The following ATG2A variants were observed in gnomAD, a reference collection of about 807,000 sequenced individuals.
The protein encoded by ATG2A is autophagy-related protein 2 homolog A.
Under a neutral mutation model 214.2 loss-of-function variants are expected in ATG2A, and 103 were observed. The observed-to-expected ratio is 0.48, with a 90% confidence interval of 0.41 to 0.57. The LOEUF is 0.57. Ranked by LOEUF, ATG2A falls within the 20% of genes least tolerant of loss-of-function variation. The pLI is 0.00. For missense variants in ATG2A, 2,312 were observed against 2,613.2 expected (o/e 0.88, Z 2.51); for synonymous variants, 1,160 against 1,142.1 (o/e 1.02, Z -0.32).
At position 64,911,839 on chromosome 11, in the gene ATG2A, C is replaced by T; in HGVS notation, c.1228+3G>A. The stretch of plus-strand genomic sequence containing the variant: ...GGAGTACCCCCAGGGTGCTCCAACT[C>T]ACCAGCTGGGTGGGCCTGGGCAGAG... On this transcript the variant is annotated splice_donor_region_variant and intron_variant, in intron 9 of 40. Coordinates refer to ENST00000377264, the MANE Select transcript of ATG2A (RefSeq NM_015104.3). The T allele has an allele frequency of 2.5e-6, 4 of 1,612,750 alleles. No homozygotes were observed. The highest frequency in any genetic ancestry group is 3.4e-6 in the Non-Finnish European group (4 of 1,179,924).
rs375790763 is a variant in ATG2A at position 64,913,335 on chromosome 11, C to G, written c.657G>C (p.Pro219=). 4.4e-6 allele frequency: 7 copies of G among 1,606,432 alleles called. No homozygotes were observed. The East Asian group carries it at 1.6e-4, about 36-fold the overall frequency. ...SQAPPVDVHQ[P]PAFLHKLLQL... is the part of the protein sequence containing the mutation. ...GCAGCAGCTTGTGCAGGAAGGCAGG[C>G]GGCTGATGCACGTCCACCGGCGGCG... Residue 219 remains proline (P), a synonymous_variant, in exon 5 of 41, where the codon CCG becomes CCC. Coordinates refer to ENST00000377264, the MANE Select transcript of ATG2A (RefSeq NM_015104.3). This position sits in a 1 kb window ranked among gnomAD's most constrained non-coding sequence, Gnocchi z 4.3.
chr11:64,903,718 G>A lies in ATG2A; in HGVS notation c.3465-58C>T, dbSNP rs914954936. ...CACCGCTGCAGGGGGCAGCTCCACGGGAGCCGAGCAGAGGGGTCCCAAGCC... is the reference window on the plus strand; with the variant it reads ...CACCGCTGCAGGGGGCAGCTCCACGAGAGCCGAGCAGAGGGGTCCCAAGCC... On this transcript the variant is annotated intron_variant, in intron 24 of 40. Transcript: ENST00000377264. The surrounding 1 kb of genome is among the most constrained non-coding windows in gnomAD (Gnocchi z 4.2). 6.6e-7 allele frequency: 1 copy of A among 1,506,954 alleles called. No individual in the cohort carries two copies. The highest frequency in any genetic ancestry group is 1.2e-5 in the South Asian group (1 of 81,044). 93.3% of individuals were successfully genotyped at this position (1,506,954 alleles called of 1,614,324 possible). A position where few individuals can be genotyped will look rare whatever the true frequency, so the allele number is the denominator to read the frequency against.
rs1214141821 is a variant in ATG2A at position 64,909,027 on chromosome 11, G to T, written c.2328C>A (p.Pro776=). ...PCELREPEPS[P]FSSKRTMYET... is the part of the protein sequence containing the mutation. ...CATACATGGTCCTCTTAGAGGAGAAGGGCGAGGGCTCAGGTTCCCGCAGCT... is the reference window on the plus strand; with the variant it reads ...CATACATGGTCCTCTTAGAGGAGAATGGCGAGGGCTCAGGTTCCCGCAGCT... The change falls in exon 16 of 41, where the codon CCC becomes CCA. Residue 776 remains proline (P), a synonymous_variant. Coordinates refer to ENST00000377264, the MANE Select transcript of ATG2A (RefSeq NM_015104.3). 1 of 1,608,780 alleles carries T rather than the reference G, an allele frequency of 6.2e-7. No individual in the cohort carries two copies.
chr11:64,916,786 G>C (rs1945002916), intron 1 of ATG2A, among the ~76,000 whole-genome samples, 179 bp downstream of exon 1: 1 of 152,058 alleles, frequency 6.6e-6, no homozygotes, highest in African/African-American at 2.4e-5. Flanking sequence ...CTCAGTTTCT[G>C]GCTCTGGTAA....
rs748221429 is a variant in ATG2A, at chr11:64,912,326, C to A, written c.922+1G>T. ...ACCCCCATGCCACCCAGGGGCCTCA[C>A]CTGTAAGGCTCACGGCGCTGAGCAG... On this transcript the variant is annotated splice_donor_variant, in intron 7 of 40. Coordinates refer to ENST00000377264, the MANE Select transcript of ATG2A (RefSeq NM_015104.3). LOFTEE classifies it high-confidence loss of function. 2.5e-6 allele frequency: 4 copies of A among 1,606,106 alleles called. No homozygotes were observed. Among genetic ancestry groups the A allele is most frequent in the Non-Finnish European group, 3.4e-6 (4 of 1,175,846 alleles).
At position 64,906,856 on chromosome 11, in the gene ATG2A, C is replaced by T. The variant is rs758866662; in HGVS notation, c.2833-41G>A. On this transcript the variant is annotated intron_variant, in intron 19 of 40. Transcript: ENST00000377264. ...ACAGCCTGGCTTCCCCAGCTGCACT[C>T]AGCAACCCTCAAGCCCTCTGGGGGT... 19 of 1,588,880 alleles carry T rather than the reference C, an allele frequency of 1.2e-5. No individual in the cohort carries two copies. The East Asian group carries it at 2.8e-4, about 23-fold the overall frequency.
At chr11:64,910,541 G>A (rs72929102) in intron 12 of ATG2A, 75 bp downstream of exon 12, 24,742 of 1,469,770 alleles carry the variant, frequency 0.017, 244 homozygotes, top group Non-Finnish European at 0.02. Flanking sequence ...GGGCAGCAGA[G>A]GAGGCCCTGG....
rs1565066447 is a variant in ATG2A, at chr11:64,911,904, A to C, written c.1166T>G (p.Leu389Arg). 1 of 1,613,732 alleles carries C rather than the reference A, an allele frequency of 6.2e-7. No individual in the cohort carries two copies. The highest frequency in any genetic ancestry group is 2.2e-5 in the East Asian group (1 of 44,886). The change falls in exon 9 of 41, where the codon CTG becomes CGG. Residue 389 changes from leucine (L) to arginine (R), a missense_variant. Coordinates refer to ENST00000377264, the MANE Select transcript of ATG2A (RefSeq NM_015104.3). ...LSELSLSDVD[L>R]ASSVRSDMAS... is the part of the protein sequence containing the mutation. ...CATGTCGCTGCGCACAGAGGAGGCCAGGTCTACATCGGAGAGGGAGAGCTC... is the reference window on the plus strand; with the variant it reads ...CATGTCGCTGCGCACAGAGGAGGCCCGGTCTACATCGGAGAGGGAGAGCTC...
In ATG2A at chr11:64,906,126, C is replaced by A; in HGVS notation, c.3251G>T (p.Ser1084Ile). The A allele has an allele frequency of 1.3e-6, 2 of 1,585,926 alleles. No individual in the cohort carries two copies. The highest frequency in any genetic ancestry group is 1.7e-6 in the Non-Finnish European group (2 of 1,166,102). ...LRHYMALPEQ[S>I]WHSQLLEFLD... is the part of the protein sequence containing the mutation. ...ACCCACGCTCACCTGGGAATGCCAGCTCTGCTCGGGCAGGGCCATGTAGTG... is the reference window on the plus strand; with the variant it reads ...ACCCACGCTCACCTGGGAATGCCAGATCTGCTCGGGCAGGGCCATGTAGTG... Residue 1084 changes from serine to isoleucine, a missense_variant, in exon 22 of 41, where the codon AGC becomes ATC. Coordinates refer to ENST00000377264, the MANE Select transcript of ATG2A (RefSeq NM_015104.3).
At position 64,900,881 on chromosome 11, in the gene ATG2A, C is replaced by T; in HGVS notation, c.4328+3G>A. 6.4e-7 allele frequency: 1 copy of T among 1,554,492 alleles called. No homozygotes were observed. Among genetic ancestry groups the T allele is most frequent in the Non-Finnish European group, 8.7e-7 (1 of 1,149,808 alleles). ...GCTGCCACCTGCACCCGCTCCTCCT[C>T]ACCTGTGGCCGGGGTGGGGGCCAAA... On this transcript the variant is annotated splice_donor_region_variant and intron_variant, in intron 30 of 40. Transcript: ENST00000377264.
At chr11:64,908,623 T>C (rs751905423) in intron 16 of ATG2A, among the ~76,000 whole-genome samples, 7 of 151,974 alleles carry the variant, frequency 4.6e-5, no homozygotes, top group Non-Finnish European at 1.0e-4. Flanking sequence ...AACTCATCTA[T>C]AGGTAACTCT....
Position 64,897,502 on chromosome 11 carries a change from A to C in ATG2A, c.5068-8T>G, listed in dbSNP as rs376190100. On this transcript the variant is annotated splice_polypyrimidine_tract_variant and splice_region_variant and intron_variant, in intron 36 of 40. Transcript: ENST00000377264. ...GAGGCCAGCAAAAGTGCCCTGGGAG[A>C]GGGAGGGGGTCCAGGTTTACCCAAT... 2.2e-5 allele frequency: 35 copies of C among 1,582,540 alleles called. No homozygotes were observed. Among genetic ancestry groups the C allele is most frequent in the Non-Finnish European group, 2.7e-5 (31 of 1,164,402 alleles).
intron 24 of ATG2A, among the ~76,000 whole-genome samples, chr11:64,904,717 CAT>C (rs1644006165): frequency 6.6e-6 from 1 of 152,152 alleles, no homozygotes. Flanking sequence ...CACGCCGAGA[CAT>C]ATAAACACCC....
chr11:64,916,311 G>C (rs35698062), intron 1 of ATG2A, among the ~76,000 whole-genome samples: 11 of 152,262 alleles, frequency 7.2e-5, no homozygotes, highest in Non-Finnish European at 1.6e-4. Flanking sequence ...GGGGTCGGTG[G>C]GAGATGTAGG....
intron 30 of ATG2A, 74 bp from the exon 31 acceptor site, chr11:64,900,703 C>G: frequency 2.7e-6 from 4 of 1,486,422 alleles, no homozygotes; most frequent in East Asian, 4.8e-5. Flanking sequence ...GGCCTTTTAG[C>G]CTGGGACAAG....
Position 64,903,409 on chromosome 11 carries a change from G to C in ATG2A, c.3536-45C>G, listed in dbSNP as rs370200812. ...AAGGTCCTGTGGCCCCCTTCCACCC[G>C]GCCCCGGCCCCAGCACCTGGGGGAA... On this transcript the variant is annotated intron_variant, in intron 25 of 40. Transcript: ENST00000377264. This position sits in a 1 kb window ranked among gnomAD's most constrained non-coding sequence, Gnocchi z 4.2. 6.2e-7 allele frequency: 1 copy of C among 1,602,392 alleles called. No homozygotes were observed. The highest frequency in any genetic ancestry group is 8.5e-7 in the Non-Finnish European group (1 of 1,170,688).
chr11:64,910,319 C>T (rs2136621794), intron 12 of ATG2A, 124 bp from the exon 13 acceptor site: 1 of 1,379,510 alleles, frequency 7.2e-7, no homozygotes, highest in Non-Finnish European at 9.7e-7. Context: ...AGAAGGCCTG[C>T]CCCACCTTTG....
rs2136573128 is a variant in ATG2A, at chr11:64,903,520, T to C, written c.3535+70A>G. On this transcript the variant is annotated intron_variant, in intron 25 of 40. Coordinates refer to ENST00000377264, the MANE Select transcript of ATG2A (RefSeq NM_015104.3). The surrounding 1 kb of genome is among the most constrained non-coding windows in gnomAD (Gnocchi z 4.2). Reference sequence around the variant, plus strand: ...CGGCCAGCAGCTGCGGGGAGACACCTGGCTGCTCTGGGTGTGGCCGGGGCG... The same window carrying C: ...CGGCCAGCAGCTGCGGGGAGACACCCGGCTGCTCTGGGTGTGGCCGGGGCG... 6.7e-7 allele frequency: 1 copy of C among 1,488,568 alleles called. No homozygotes were observed. 92.2% of individuals were successfully genotyped at this position (1,488,568 alleles called of 1,614,324 possible). A position where few individuals can be genotyped will look rare whatever the true frequency, so the allele number is the denominator to read the frequency against.
At chr11:64,916,931 C>T (rs747647854) in intron 1 of ATG2A, 34 bp downstream of exon 1, 12 of 1,609,718 alleles carry the variant, frequency 7.5e-6, no homozygotes, top group Non-Finnish European at 9.3e-6. Flanking sequence ...CTCCCACCCT[C>T]CGCACCTTCC....
Sources: gnomAD v4.1 joint callset for allele counts (sites outside exome capture counted in the v4.1 genomes callset) on GRCh38, gnomAD v4.1.1 for gene constraint, Gnocchi (gnomAD v3.1) non-coding constraint, MANE v1.5 for transcripts, NCBI Gene and HGNC (gene_info 2026-07-23, HGNC 2026-07-21) for gene names.